Variants in CDH7 observed in about 807,000 individuals in gnomAD.
CDH7 encodes cadherin-7.
In CDH7, 25 loss-of-function variants were observed where a neutral mutation model predicts 71.8. The ratio of observed to expected loss-of-function variants is 0.35; its 90% CI spans 0.25 to 0.49. The LOEUF is 0.49. CDH7 is among the 20% of genes least tolerant of loss of function. The probability of loss-of-function intolerance (pLI) is 0.99; values close to 1 mark genes in which losing one functional copy is unlikely to be tolerated. For synonymous variants in CDH7, 381 were observed against 363.8 expected (o/e 1.05, Z -0.54); for missense variants, 862 against 974.6 (o/e 0.88, Z 1.54).
intron 10 of CDH7, 44 bp from the exon 11 acceptor site, chr18:65,862,622 T>C: frequency 6.3e-7 from 1 of 1,588,274 alleles, no homozygotes; most frequent in Non-Finnish European, 8.6e-7. Flanking sequence ...GAAGACTGAT[T>C]CCATCAGAAA....
chr18:65,788,817 A>C (rs1454853312), intron 2 of CDH7, among the ~76,000 whole-genome samples: 1 of 152,212 alleles, frequency 6.6e-6, no homozygotes, highest in Non-Finnish European at 1.5e-5. Flanking sequence ...TTCAATAAGA[A>C]TCTATTCTGT....
intron 2 of CDH7, among the ~76,000 whole-genome samples, chr18:65,808,517 C>T (rs2143902645): frequency 6.6e-6 from 1 of 152,198 alleles, no homozygotes; most frequent in African/African-American, 2.4e-5. Flanking sequence ...CCTACAGAAA[C>T]CAAAAGGTAA....
intron 6 of CDH7, among the ~76,000 whole-genome samples, chr18:65,840,289 A>T (rs1169582686): frequency 6.6e-6 from 1 of 152,168 alleles, no homozygotes; most frequent in East Asian, 1.9e-4. Context: ...ATGTCACTTG[A>T]TGTATGAAAA....
In CDH7 at chr18:65,843,421, A is replaced by T. The variant is rs547666850; in HGVS notation, c.982-391A>T. Among the ~76,000 whole-genome samples, 9 of 152,270 alleles carry T rather than the reference A, an allele frequency of 5.9e-5. No homozygotes were observed. In the South Asian group the frequency reaches 1.9e-3, roughly 32 times the overall value. On this transcript the variant is annotated intron_variant, in intron 6 of 11. Coordinates refer to ENST00000397968, the MANE Select transcript of CDH7 (RefSeq NM_004361.5). ...CCTTTTAAATGAGAAATTCAATAGA[A>T]AGTAATGCTTTTCTTAATTTTTAAA...
intron 7 of CDH7, among the ~76,000 whole-genome samples, chr18:65,854,036 G>T (rs1029949055): frequency 1.3e-5 from 2 of 149,308 alleles, no homozygotes; most frequent in Non-Finnish European, 3.0e-5. Flanking sequence ...CGTGGTGTGT[G>T]GTTCAAGCCT....
intron 1 of CDH7, among the ~76,000 whole-genome samples, chr18:65,761,440 A>G (rs1198637709): frequency 6.6e-6 from 1 of 152,026 alleles, no homozygotes; most frequent in Non-Finnish European, 1.5e-5. Context: ...ACAGGTAGAA[A>G]GACTGAAAAG....
chr18:65,876,575 A>G (rs988381682), intron 11 of CDH7, among the ~76,000 whole-genome samples: 4 of 152,048 alleles, frequency 2.6e-5, no homozygotes, highest in Non-Finnish European at 5.9e-5. Context: ...TCCATATCAC[A>G]TCTTCCTGTC....
rs572815606 is a variant in CDH7, at chr18:65,786,685, T to C, written c.211-23019T>C. ...GGCTGCTTCTTTTTCTCTCTCTCTC[T>C]TTCTCTTTTTTTCTTTGAGATAAGA... On this transcript the variant is annotated intron_variant, in intron 2 of 11. Coordinates refer to ENST00000397968, the MANE Select transcript of CDH7 (RefSeq NM_004361.5). Among the ~76,000 whole-genome samples the C allele has an allele frequency of 9.2e-5, 14 of 152,228 alleles. No homozygotes were observed. In the South Asian group the frequency reaches 2.9e-3, roughly 32 times the overall value.
rs1911457741 is a variant in CDH7, at chr18:65,809,792, A to G, written c.299A>G (p.Asn100Ser). Reference sequence around the variant, plus strand: ...AGTTCCATTTTCATTATTGATGAGAACACTGGGGATATTCATGCCACCAAG... The same window carrying G: ...AGTTCCATTTTCATTATTGATGAGAGCACTGGGGATATTCATGCCACCAAG... ...GASSIFIIDENTGDIHATKRL... is the reference protein window; with the variant it reads ...GASSIFIIDESTGDIHATKRL... The change falls in exon 3 of 12, where the codon AAC becomes AGC. Residue 100 changes from asparagine (N) to serine (S), a missense_variant. Coordinates refer to ENST00000397968, the MANE Select transcript of CDH7 (RefSeq NM_004361.5). 1 of 1,614,042 alleles carries G rather than the reference A, an allele frequency of 6.2e-7. No individual in the cohort carries two copies.
At chr18:65,871,520 G>A (rs1913926347) in intron 11 of CDH7, among the ~76,000 whole-genome samples, 1 of 152,146 alleles carries the variant, frequency 6.6e-6, no homozygotes, top group South Asian at 2.1e-4. Flanking sequence ...CTTGGTTACA[G>A]TGAGTAGGAA....
intron 11 of CDH7, among the ~76,000 whole-genome samples, chr18:65,868,297 T>C (rs1913826798): frequency 6.6e-6 from 1 of 152,204 alleles, no homozygotes; most frequent in Non-Finnish European, 1.5e-5. Flanking sequence ...ACAAGCTTTA[T>C]CTAATTTAAT....
At chr18:65,783,004 T>C (rs1369560661) in intron 2 of CDH7, among the ~76,000 whole-genome samples, 2 of 152,166 alleles carry the variant, frequency 1.3e-5, no homozygotes, top group Non-Finnish European at 2.9e-5. Flanking sequence ...GGAAGCAGAA[T>C]GAGGATAGAT....
intron 11 of CDH7, among the ~76,000 whole-genome samples, chr18:65,873,273 T>C (rs1180419088): frequency 1.3e-5 from 2 of 152,226 alleles, no homozygotes; most frequent in Non-Finnish European, 2.9e-5. Context: ...TTGTTCAACA[T>C]GTCATTTGAC....
chr18:65,847,017 G>A (rs1339424778), intron 7 of CDH7, among the ~76,000 whole-genome samples: 1 of 57,240 alleles, frequency 1.7e-5, no homozygotes, highest in African/African-American at 3.5e-5. Flanking sequence ...CTATATTGCA[G>A]GTTGTCTTGT....
intron 2 of CDH7, among the ~76,000 whole-genome samples, chr18:65,764,949 T>C (rs1227789149): frequency 2.6e-5 from 4 of 152,064 alleles, no homozygotes; most frequent in African/African-American, 9.7e-5. Flanking sequence ...AAATTCCATA[T>C]GCAAACAAAG....
intron 2 of CDH7, among the ~76,000 whole-genome samples, chr18:65,781,922 TTCTC>T (rs371567785): frequency 0.1 from 4,061 of 40,630 alleles, 688 homozygotes; most frequent in East Asian, 0.26. Context: ...CTTTCTCTCT[TTCTC>T]TCTCTCTCTC....
intron 2 of CDH7, among the ~76,000 whole-genome samples, chr18:65,795,950 C>G (rs937108493): frequency 6.7e-6 from 1 of 150,206 alleles, no homozygotes; most frequent in Non-Finnish European, 1.5e-5. Flanking sequence ...CTCCTGCCCC[C>G]CTGTGAAGAG....
rs900818697 is a variant in CDH7 at position 65,857,759 on chromosome 18, C to A, written c.1236-57C>A. On this transcript the variant is annotated intron_variant, in intron 7 of 11. Transcript: ENST00000397968. ...TACACAAATAATGAAATAGTTTCAG[C>A]AAATTATAATCAAACGTACATGTTG... 18 of 1,548,272 alleles carry A rather than the reference C, an allele frequency of 1.2e-5. No individual in the cohort carries two copies. In the African/African-American group the frequency reaches 2.0e-4, roughly 18 times the overall value.
At chr18:65,873,492 A>G (rs1001867765) in intron 11 of CDH7, among the ~76,000 whole-genome samples, 5 of 152,230 alleles carry the variant, frequency 3.3e-5, no homozygotes, top group African/African-American at 1.2e-4. Context: ...AACACACTAT[A>G]CAAAACTATT....
Sources: allele counts gnomAD v4.1 joint callset (sites outside exome capture counted in the v4.1 genomes callset), GRCh38; gene constraint gnomAD v4.1.1; transcripts MANE v1.5; gene names NCBI Gene and HGNC (gene_info 2026-07-23, HGNC 2026-07-21).